Variants in GPR75 observed in about 807,000 individuals in gnomAD.
GPR75 encodes probable G protein-coupled receptor 75.
A neutral mutation model predicts 26.0 loss-of-function variants in GPR75; 27 were observed. The ratio of observed to expected loss-of-function variants is 1.04; its 90% CI spans 0.77 to 1.43. The LOEUF (loss-of-function observed/expected upper bound fraction) is 1.43, where lower values mean the gene tolerates loss of function less well. Ranked by LOEUF, GPR75 falls within the 40% of genes most tolerant of loss-of-function variation. GPR75 has a pLI of 0.00. For missense variants in GPR75, 699 were observed against 662.3 expected (o/e 1.06, Z -0.61); for synonymous variants, 285 against 256.3 (o/e 1.11, Z -1.07).
chr2:53,855,398 C>A (rs559198697), intron 1 of GPR75, among the ~76,000 whole-genome samples: 9 of 152,152 alleles, frequency 5.9e-5, no homozygotes, highest in Non-Finnish European at 1.3e-4. Flanking sequence ...CTTTTAGAAA[C>A]ACTTCTGTGT....
rs768674264 is a variant in GPR75 at position 53,854,598 on chromosome 2, G to A, written c.159C>T (p.Phe53=). ...TGAAGTTGCCATAGGAACCCAGGCA[G>A]AAGATGACCGCCAGTAGAAAAGTAC... ...VTCTFLLAVI[F]CLGSYGNFIV... The change falls in exon 2 of 2, where the codon TTC becomes TTT. Residue 53 remains phenylalanine, a synonymous_variant. Transcript: ENST00000394705. 1.2e-6 allele frequency: 2 copies of A among 1,614,058 alleles called. No homozygotes were observed. Among genetic ancestry groups the A allele is most frequent in the East Asian group, 2.2e-5 (1 of 44,862 alleles).
Position 53,854,728 on chromosome 2 carries a change from G to T in GPR75, c.29C>A (p.Ala10Asp), listed in dbSNP as rs142439687. Residue 10 changes from alanine to aspartate, a missense_variant, in exon 2 of 2, where the codon GCC becomes GAC. Ala to Asp is a moderately radical substitution (Grantham distance 126, BLOSUM62 -2). Transcript: ENST00000394705. MNSTGHLQD[A>D]PNATSLHVPH... is the part of the protein sequence containing the mutation. Reference sequence around the variant, plus strand: ...CACATGGAGCGAGGTGGCATTGGGGGCATCCTGAAGGTGGCCTGTTGAGTT... The same window carrying T: ...CACATGGAGCGAGGTGGCATTGGGGTCATCCTGAAGGTGGCCTGTTGAGTT... 30 of 1,613,604 alleles carry T rather than the reference G, an allele frequency of 1.9e-5. No individual in the cohort carries two copies. Among genetic ancestry groups the T allele is most frequent in the Non-Finnish European group, 2.5e-5 (29 of 1,179,774 alleles).
At chr2:53,855,660 G>T (rs1365213932) in intron 1 of GPR75, among the ~76,000 whole-genome samples, 4 of 152,056 alleles carry the variant, frequency 2.6e-5, no homozygotes, top group Non-Finnish European at 5.9e-5. Context: ...AGAAGTGGGG[G>T]TAGGTCTTTG....
intron 1 of GPR75, among the ~76,000 whole-genome samples, chr2:53,855,672 A>C (rs963423021): frequency 1.3e-5 from 2 of 152,178 alleles, no homozygotes; most frequent in Admixed American, 1.3e-4. Flanking sequence ...AGGTCTTTGC[A>C]GCAGAAGCAC....
intron 1 of GPR75, 86 bp from the exon 2 acceptor site, chr2:53,854,951 G>A: frequency 1.7e-6 from 1 of 580,108 alleles, no homozygotes; most frequent in Non-Finnish European, 3.1e-6. Flanking sequence ...ATTATTAGTA[G>A]TAGTATTAGT....
At chr2:53,859,730 G>T in intron 1 of GPR75, 98 bp downstream of exon 1, 4 of 876,200 alleles carry the variant, frequency 4.6e-6, no homozygotes, top group Non-Finnish European at 6.7e-6. Context: ...AGCCGGGCCT[G>T]GCCCAGCGCA....
Position 53,859,868 on chromosome 2 carries a change from G to T in GPR75, c.-150C>A. ...AGCGCCGCCCCTCCTCCATCTCGCA[G>T]TCCGGACCCCAGCTCCGCCTGCCGC... is the stretch of plus-strand genomic sequence containing the variant. On this transcript the variant is annotated 5_prime_UTR_variant, in exon 1 of 2. The change creates a new upstream start codon in the 5' untranslated region. Transcript: ENST00000394705. The T allele has an allele frequency of 6.5e-7, 1 of 1,532,690 alleles. No homozygotes were observed. Among genetic ancestry groups the T allele is most frequent in the South Asian group, 1.2e-5 (1 of 83,410 alleles). 94.9% of individuals were successfully genotyped at this position (1,532,690 alleles called of 1,614,324 possible). A position where few individuals can be genotyped will look rare whatever the true frequency, so the allele number is the denominator to read the frequency against.
intron 1 of GPR75, among the ~76,000 whole-genome samples, chr2:53,858,572 G>A (rs192960327): frequency 2.6e-5 from 4 of 152,128 alleles, no homozygotes; most frequent in East Asian, 1.9e-4. Flanking sequence ...CAGAAAAGAC[G>A]AAAAGGTTTG....
At position 53,854,661 on chromosome 2, in the gene GPR75, AC is replaced by A; in HGVS notation, c.95del (p.Gly32ValfsTer12). 1 of 1,613,882 alleles carries A rather than the reference AC, an allele frequency of 6.2e-7. No individual in the cohort carries two copies. The highest frequency in any genetic ancestry group is 8.5e-7 in the Non-Finnish European group (1 of 1,179,862). Reference sequence around the variant, plus strand: ...TGGCTGTGTGGATGAGATCCTGAAGACCCTCCTGGAGAGAGGTGCTGTTTCC... The same window carrying A: ...TGGCTGTGTGGATGAGATCCTGAAGACCTCCTGGAGAGAGGTGCTGTTTCC... Reference protein sequence around the residue: ...QEGNSTSLQEGLQDLIHTATL... With the variant: ...QEGNSTSLQEXLQDLIHTATL... On this transcript the variant is annotated frameshift_variant, in exon 2 of 2. Coordinates refer to ENST00000394705, the MANE Select transcript of GPR75 (RefSeq NM_006794.4). LOFTEE classifies it high-confidence loss of function.
chr2:53,859,116 C>T (rs1433720285), intron 1 of GPR75, among the ~76,000 whole-genome samples: 1 of 150,530 alleles, frequency 6.6e-6, no homozygotes, highest in African/African-American at 2.5e-5. Context: ...GCTATAGGGG[C>T]TTTCATAAAT....
Position 53,854,087 on chromosome 2 carries a change from T to A in GPR75, c.670A>T (p.Met224Leu). ...CVAVVSVSYIMIAQTLRKNAQ... is the reference protein window; with the variant it reads ...CVAVVSVSYILIAQTLRKNAQ... Reference sequence around the variant, plus strand: ...TTCTTCCGCAGGGTCTGAGCAATCATGATGTAAGAGACAGAGACCACAGCA... The same window carrying A: ...TTCTTCCGCAGGGTCTGAGCAATCAAGATGTAAGAGACAGAGACCACAGCA... Residue 224 changes from methionine (M) to leucine (L), a missense_variant, in exon 2 of 2, where the codon ATG (methionine) becomes TTG (leucine). Coordinates refer to ENST00000394705, the MANE Select transcript of GPR75 (RefSeq NM_006794.4). 5.0e-6 allele frequency: 8 copies of A among 1,614,050 alleles called. No homozygotes were observed. Among genetic ancestry groups the A allele is most frequent in the Non-Finnish European group, 6.8e-6 (8 of 1,180,002 alleles).
intron 1 of GPR75, among the ~76,000 whole-genome samples, chr2:53,858,653 C>G (rs1043109382): frequency 6.6e-6 from 1 of 152,032 alleles, no homozygotes; most frequent in Non-Finnish European, 1.5e-5. Context: ...GTAGTAACTC[C>G]TGAGACTTTA....
intron 1 of GPR75, among the ~76,000 whole-genome samples, chr2:53,858,639 C>T (rs1428767745): frequency 7.9e-5 from 12 of 152,068 alleles, no homozygotes. Context: ...AAACTCAGGT[C>T]TTAGTAGTAA....
In GPR75 at chr2:53,853,023, T is replaced by C; in HGVS notation, c.*111A>G. Reference sequence around the variant, plus strand: ...TGAAAGAAAACCATAACTGCCAACTTTTCAGTTGAATCTTGTAGGTTTTGA... The same window carrying C: ...TGAAAGAAAACCATAACTGCCAACTCTTCAGTTGAATCTTGTAGGTTTTGA... On this transcript the variant is annotated 3_prime_UTR_variant, in exon 2 of 2. Coordinates refer to ENST00000394705, the MANE Select transcript of GPR75 (RefSeq NM_006794.4). 1.3e-6 allele frequency: 1 copy of C among 755,122 alleles called. No homozygotes were observed. Among genetic ancestry groups the C allele is most frequent in the Non-Finnish European group, 2.1e-6 (1 of 469,794 alleles). 46.8% of individuals were successfully genotyped at this position (755,122 alleles called of 1,614,324 possible). A position where few individuals can be genotyped will look rare whatever the true frequency, so the allele number is the denominator to read the frequency against.
At chr2:53,858,700 T>A (rs565243780) in intron 1 of GPR75, among the ~76,000 whole-genome samples, 4 of 152,280 alleles carry the variant, frequency 2.6e-5, no homozygotes, top group Non-Finnish European at 4.4e-5. Flanking sequence ...TGGAATGACA[T>A]GATGACGGCA....
rs774048255 is a variant in GPR75 at position 53,854,084 on chromosome 2, T to A, written c.673A>T (p.Ile225Phe). 23 of 1,614,040 alleles carry A rather than the reference T, an allele frequency of 1.4e-5. No homozygotes were observed. The highest frequency in any genetic ancestry group is 1.9e-5 in the Non-Finnish European group (22 of 1,180,020). The change falls in exon 2 of 2, where the codon ATT becomes TTT. Residue 225 changes from isoleucine to phenylalanine, a missense_variant. Coordinates refer to ENST00000394705, the MANE Select transcript of GPR75 (RefSeq NM_006794.4). The part of the protein sequence containing the change: ...VAVVSVSYIM[I>F]AQTLRKNAQV... ...GCGTTCTTCCGCAGGGTCTGAGCAA[T>A]CATGATGTAAGAGACAGAGACCACA...
chr2:53,854,796 T>C lies in GPR75; in HGVS notation c.-40A>G, dbSNP rs1558629565. On this transcript the variant is annotated 5_prime_UTR_variant, in exon 2 of 2. Transcript: ENST00000394705. ...GTCTCCTTCTTCTGCTCCCCAAAAA[T>C]ACTCAGTGAGTCAGGGCCTCAGCTC... The C allele has an allele frequency of 1.3e-6, 2 of 1,528,534 alleles. No homozygotes were observed. Among genetic ancestry groups the C allele is most frequent in the African/African-American group, 1.4e-5 (1 of 73,124 alleles). The allele number at this position is 1,528,534 out of a possible 1,614,324, so 94.7% of individuals were successfully genotyped here. A position where few individuals can be genotyped will look rare whatever the true frequency, so the allele number is the denominator to read the frequency against.
In GPR75 at chr2:53,854,263, G is replaced by T; in HGVS notation, c.494C>A (p.Thr165Asn). ...TASFPCTVLL[T>N]LLLWATSFTL... is the part of the protein sequence containing the mutation. ...GAAACTGGTGGCCCAGAGAAGCAGG[G>T]TGAGGAGTACGGTGCAGGGAAAGGA... Residue 165 changes from threonine to asparagine, a missense_variant, in exon 2 of 2, where the codon ACC becomes AAC. Physicochemically the swap from Thr to Asn is moderately conservative, Grantham distance 65 (BLOSUM62 0). Coordinates refer to ENST00000394705, the MANE Select transcript of GPR75 (RefSeq NM_006794.4). The T allele has an allele frequency of 1.2e-6, 2 of 1,614,108 alleles. No homozygotes were observed. Among genetic ancestry groups the T allele is most frequent in the Non-Finnish European group, 8.5e-7 (1 of 1,180,036 alleles).
At position 53,853,433 on chromosome 2, in the gene GPR75, C is replaced by G. The variant is rs1678142123; in HGVS notation, c.1324G>C (p.Val442Leu). ...MLSPKPQKKF[V>L]DQACGPSHSK... ...TGACTTGGGCCACAAGCCTGGTCCA[C>G]AAATTTCTTCTGTGGCTTTGGAGAT... is the stretch of plus-strand genomic sequence containing the variant. Residue 442 changes from valine (V) to leucine (L), a missense_variant, in exon 2 of 2, where the codon GTG (valine) becomes CTG (leucine). Transcript: ENST00000394705. The G allele has an allele frequency of 6.2e-7, 1 of 1,614,036 alleles. No homozygotes were observed. Among genetic ancestry groups the G allele is most frequent in the African/African-American group, 1.3e-5 (1 of 74,920 alleles).
Sources: allele counts gnomAD v4.1 joint callset (sites outside exome capture counted in the v4.1 genomes callset), GRCh38; gene constraint gnomAD v4.1.1; transcripts MANE v1.5; gene names NCBI Gene and HGNC (gene_info 2026-07-23, HGNC 2026-07-21).